Variants in TMEM229B observed in about 807,000 individuals in gnomAD.
TMEM229B encodes chromosome 14 open reading frame 83.
Under a neutral mutation model 13.7 loss-of-function variants are expected in TMEM229B, and 6 were observed. That is an observed-to-expected ratio of 0.44 (90% CI 0.24 to 0.86). The LOEUF (loss-of-function observed/expected upper bound fraction) is 0.86, where lower values mean the gene tolerates loss of function less well. Ranked by LOEUF, TMEM229B falls within the 40% of genes least tolerant of loss-of-function variation. The pLI is 0.23. For missense variants in TMEM229B, 170 were observed against 236.0 expected (o/e 0.72, Z 1.83); for synonymous variants, 107 against 102.1 (o/e 1.05, Z -0.29).
chr14:67,523,712 A>C (rs17836787), intron 1 of TMEM229B, among the ~76,000 whole-genome samples: 22,860 of 152,254 alleles, frequency 0.15, 1,992 homozygotes, highest in East Asian at 0.3. Flanking sequence ...ATTTGTAAAT[A>C]CACACTTCTT....
At chr14:67,512,615 A>G (rs1041277784) in intron 1 of TMEM229B, among the ~76,000 whole-genome samples, 1 of 152,150 alleles carries the variant, frequency 6.6e-6, no homozygotes, top group African/African-American at 2.4e-5. Context: ...CCCTCCCCTC[A>G]AGGACAGCCA....
intron 1 of TMEM229B, among the ~76,000 whole-genome samples, chr14:67,496,797 T>TG (rs1566689052): frequency 7.0e-6 from 1 of 142,648 alleles, no homozygotes; most frequent in African/African-American, 2.6e-5. Flanking sequence ...TGTCTTTCTT[T>TG]CTTGCTTGCT....
intron 2 of TMEM229B, among the ~76,000 whole-genome samples, chr14:67,475,498 T>A (rs1021541108): frequency 6.6e-6 from 1 of 152,214 alleles, no homozygotes; most frequent in Non-Finnish European, 1.5e-5. Flanking sequence ...CCATTTTACA[T>A]TCCCCATCAG....
intron 1 of TMEM229B, chr14:67,533,160 C>G (rs1700403953): frequency 6.6e-6 from 1 of 152,074 alleles, no homozygotes; most frequent in South Asian, 2.1e-4. Flanking sequence ...GGAGGGCGCC[C>G]GGCGGAGCGT....
chr14:67,484,070 C>CAT (rs1296253705), intron 2 of TMEM229B, among the ~76,000 whole-genome samples: 9 of 152,206 alleles, frequency 5.9e-5, no homozygotes, highest in Admixed American at 1.3e-4. Flanking sequence ...GCTGAGCTGT[C>CAT]ATATCTCAGG....
At chr14:67,492,764 T>C (rs1202123201), upstream of TMEM229B, among the ~76,000 whole-genome samples, 3 of 152,216 alleles carry the variant, frequency 2.0e-5, no homozygotes, top group Non-Finnish European at 2.9e-5. Context: ...TGGTAGCTGG[T>C]TTATTTATTC....
At chr14:67,484,959 T>C (rs1398310072) in intron 2 of TMEM229B, among the ~76,000 whole-genome samples, 2 of 152,214 alleles carry the variant, frequency 1.3e-5, no homozygotes, top group Non-Finnish European at 2.9e-5. Flanking sequence ...GGCTGTGTAA[T>C]ATTCCAGCAA....
intron 1 of TMEM229B, among the ~76,000 whole-genome samples, chr14:67,502,123 G>A (rs61988187): frequency 0.14 from 21,489 of 151,892 alleles, 1,832 homozygotes; most frequent in Non-Finnish European, 0.2. Flanking sequence ...ACCTGAGGTC[G>A]GGAGTTTGAG....
intron 1 of TMEM229B, among the ~76,000 whole-genome samples, chr14:67,495,499 T>C (rs1301289031): frequency 2.0e-5 from 3 of 152,062 alleles, no homozygotes; most frequent in Non-Finnish European, 2.9e-5. Context: ...TTTTTTTTTT[T>C]CAGATGGAGT....
chr14:67,491,506 CTTA>C (rs2032167946), upstream of TMEM229B, among the ~76,000 whole-genome samples: 1 of 152,196 alleles, frequency 6.6e-6, no homozygotes, highest in Non-Finnish European at 1.5e-5. Context: ...ATCAAAGGTG[CTTA>C]TTATGAATAA....
Position 67,472,995 on chromosome 14 carries a change from T to C in TMEM229B, c.*425A>G. The C allele has an allele frequency of 5.2e-6, 1 of 194,132 alleles. No individual in the cohort carries two copies. Among genetic ancestry groups the C allele is most frequent in the Non-Finnish European group, 1.1e-5 (1 of 92,936 alleles). 12.0% of individuals were successfully genotyped at this position (194,132 alleles called of 1,614,324 possible). ...TGGTTGCAAGCAAGCACCTGAATAT[T>C]GCCTAATGGAACCAGCCAAAGCTCA... On this transcript the variant is annotated 3_prime_UTR_variant, in exon 3 of 3. Coordinates refer to ENST00000554480, the MANE Select transcript of TMEM229B (RefSeq NM_001348543.2).
At chr14:67,511,144 G>A (rs2033011081) in intron 1 of TMEM229B, among the ~76,000 whole-genome samples, 1 of 152,058 alleles carries the variant, frequency 6.6e-6, no homozygotes, top group African/African-American at 2.4e-5. Context: ...CTTAATAACT[G>A]AAAGGAAACA....
At chr14:67,506,999 GAAAGAA>G (rs2032852163) in intron 1 of TMEM229B, among the ~76,000 whole-genome samples, 1 of 151,870 alleles carries the variant, frequency 6.6e-6, no homozygotes, top group African/African-American at 2.4e-5. Flanking sequence ...AAAAAGGAAA[GAAAGAA>G]AAAGAAAAAG....
intron 1 of TMEM229B, among the ~76,000 whole-genome samples, chr14:67,502,910 C>G (rs912216680): frequency 1.3e-5 from 2 of 152,062 alleles, no homozygotes; most frequent in Admixed American, 1.3e-4. Flanking sequence ...AAAGTTCCAG[C>G]CTTTGGGAGC....
chr14:67,473,144 T>C lies in TMEM229B; in HGVS notation c.*276A>G. On this transcript the variant is annotated 3_prime_UTR_variant, in exon 3 of 3. Coordinates refer to ENST00000554480, the MANE Select transcript of TMEM229B (RefSeq NM_001348543.2). The surrounding 1 kb of genome is among the most constrained non-coding windows in gnomAD (Gnocchi z 6.5). ...AGTCAACTACATAGTCCATCGCTGC[T>C]CAGCCACAGGCCTCCTGGTACCAAC... 1 of 474,240 alleles carries C rather than the reference T, an allele frequency of 2.1e-6. No individual in the cohort carries two copies. Among genetic ancestry groups the C allele is most frequent in the Non-Finnish European group, 3.9e-6 (1 of 259,520 alleles). 29.4% of individuals were successfully genotyped at this position (474,240 alleles called of 1,614,324 possible). A position where few individuals can be genotyped will look rare whatever the true frequency, so the allele number is the denominator to read the frequency against.
chr14:67,507,001 A>T (rs1214666962), intron 1 of TMEM229B, among the ~76,000 whole-genome samples: 1 of 152,108 alleles, frequency 6.6e-6, no homozygotes. Flanking sequence ...AAAGGAAAGA[A>T]AGAAAAAGAA....
At chr14:67,527,806 G>A (rs2033390236) in intron 1 of TMEM229B, among the ~76,000 whole-genome samples, 1 of 152,250 alleles carries the variant, frequency 6.6e-6, no homozygotes, top group African/African-American at 2.4e-5. Context: ...GATGTCCTCA[G>A]ATTGCGGAGC....
chr14:67,491,563 A>T (rs558776375), upstream of TMEM229B, among the ~76,000 whole-genome samples: 1 of 152,278 alleles, frequency 6.6e-6, no homozygotes, highest in Admixed American at 6.5e-5. Context: ...GGGTTTTAGG[A>T]GCTCTATGAC....
intron 1 of TMEM229B, among the ~76,000 whole-genome samples, chr14:67,507,159 C>T (rs374168966): frequency 5.0e-4 from 76 of 152,126 alleles, no homozygotes; most frequent in African/African-American, 1.3e-3. Context: ...GTTATACTCT[C>T]GCTAACACTG....
Sources: gnomAD v4.1 joint callset for allele counts (sites outside exome capture counted in the v4.1 genomes callset) on GRCh38, gnomAD v4.1.1 for gene constraint, Gnocchi (gnomAD v3.1) non-coding constraint, MANE v1.5 for transcripts, NCBI Gene and HGNC (gene_info 2026-07-23, HGNC 2026-07-21) for gene names.